Variants in NLGN1 observed in about 807,000 individuals in gnomAD.
NLGN1 encodes the protein neuroligin 1.
Under a neutral mutation model 65.5 loss-of-function variants are expected in NLGN1, and 12 were observed. The observed-to-expected ratio is 0.18, with a 90% CI of 0.12 to 0.30. The LOEUF (loss-of-function observed/expected upper bound fraction) is 0.30. Among genes scored for constraint, NLGN1 ranks in the 10% least tolerant of loss-of-function variants. The pLI is 1.00. For missense variants in NLGN1, 750 were observed against 1,007.1 expected, an observed-to-expected ratio of 0.74 and a Z score of 3.46; for synonymous variants, 350 against 359.5, an observed-to-expected ratio of 0.97 and a Z score of 0.30.
chr3:174,079,881 A>G (rs1023852764), intron 4 of NLGN1, among the ~76,000 whole-genome samples: 1 of 152,068 alleles, frequency 6.6e-6, no homozygotes, highest in African/African-American at 2.4e-5. Context: ...ACTGGGGCCT[A>G]TTGAAGGGTG....
At chr3:173,799,414 A>T (rs190309974) in intron 3 of NLGN1, among the ~76,000 whole-genome samples, 27 of 152,110 alleles carry the variant, frequency 1.8e-4, no homozygotes, top group African/African-American at 4.8e-4. Context: ...ATTGTTAAGT[A>T]TAATAAAACA....
intron 4 of NLGN1, among the ~76,000 whole-genome samples, chr3:174,027,191 A>G (rs1729018127): frequency 6.6e-6 from 1 of 152,150 alleles, no homozygotes; most frequent in Admixed American, 6.6e-5. Flanking sequence ...CACAGAAGGA[A>G]TTCCTAAAAA....
At chr3:173,699,498 A>G (rs1041917999) in intron 3 of NLGN1, among the ~76,000 whole-genome samples, 6 of 152,202 alleles carry the variant, frequency 3.9e-5, no homozygotes, top group Admixed American at 1.3e-4. Context: ...ACAGCAGTAA[A>G]AACTGTTCTG....
chr3:173,452,819 T>C (rs1319988567), intron 2 of NLGN1, among the ~76,000 whole-genome samples: 4 of 152,220 alleles, frequency 2.6e-5, no homozygotes, highest in African/African-American at 9.6e-5. Flanking sequence ...ATAAAGTGAA[T>C]AACACAGTAA....
intron 1 of NLGN1, among the ~76,000 whole-genome samples, chr3:173,415,943 A>AGAGAGAGCGAGC (rs141095727): frequency 3.5e-5 from 5 of 142,826 alleles, no homozygotes; most frequent in African/African-American, 1.4e-4. Context: ...AGAGAGAGAG[A>AGAGAGAGCGAGC]GCTTGGTATA....
intron 3 of NLGN1, among the ~76,000 whole-genome samples, chr3:173,793,823 CTT>C (rs1377860102): frequency 6.6e-6 from 1 of 152,004 alleles, no homozygotes; most frequent in East Asian, 1.9e-4. Context: ...GATTTTGCCT[CTT>C]TTTGATTCTT....
At chr3:174,287,922 A>G (rs1373174620), downstream of NLGN1, among the ~76,000 whole-genome samples, 1 of 151,568 alleles carries the variant, frequency 6.6e-6, no homozygotes. Flanking sequence ...GTGAACATCA[A>G]TCAAGCAATG....
intron 4 of NLGN1, among the ~76,000 whole-genome samples, chr3:173,908,131 G>T (rs941506017): frequency 9.2e-5 from 14 of 152,224 alleles, no homozygotes; most frequent in Non-Finnish European, 2.1e-4. Context: ...TAAAAATAAG[G>T]CACAAATAAG....
At chr3:173,703,287 T>C (rs1157581518) in intron 3 of NLGN1, among the ~76,000 whole-genome samples, 2 of 152,176 alleles carry the variant, frequency 1.3e-5, no homozygotes, top group African/African-American at 4.8e-5. Flanking sequence ...CAATTCAGTT[T>C]AATAAAGAAA....
At chr3:174,009,917 T>A (rs749621541) in intron 4 of NLGN1, among the ~76,000 whole-genome samples, 1 of 152,070 alleles carries the variant, frequency 6.6e-6, no homozygotes, top group Non-Finnish European at 1.5e-5. Flanking sequence ...CTGCCATGCA[T>A]AGGGGACAGG....
At chr3:173,985,880 G>A (rs942718870) in intron 4 of NLGN1, among the ~76,000 whole-genome samples, 1 of 152,008 alleles carries the variant, frequency 6.6e-6, no homozygotes, top group African/African-American at 2.4e-5. Context: ...AACCTGGAAG[G>A]TGGAGGTTGC....
At chr3:173,770,505 G>T (rs912747219) in intron 3 of NLGN1, among the ~76,000 whole-genome samples, 3 of 152,032 alleles carry the variant, frequency 2.0e-5, no homozygotes, top group Non-Finnish European at 4.4e-5. Context: ...CTGATATTTT[G>T]CTTCTCTCCT....
intron 4 of NLGN1, among the ~76,000 whole-genome samples, chr3:173,898,474 T>C (rs188425086): frequency 3.9e-5 from 6 of 152,302 alleles, no homozygotes; most frequent in Admixed American, 3.9e-4. Context: ...ATTCACACCA[T>C]AGAAATGAGT....
chr3:173,860,086 T>C (rs1728767869), intron 4 of NLGN1, among the ~76,000 whole-genome samples: 1 of 152,040 alleles, frequency 6.6e-6, no homozygotes, highest in African/African-American at 2.4e-5. Context: ...TTTTTATCTT[T>C]CTTATTCTTC....
At chr3:173,664,184 T>TA in intron 3 of NLGN1, among the ~76,000 whole-genome samples, 1 of 152,028 alleles carries the variant, frequency 6.6e-6, no homozygotes. Context: ...TTCTGAATAA[T>TA]AAAAATCATA....
intron 4 of NLGN1, among the ~76,000 whole-genome samples, chr3:173,880,790 T>G (rs1733078584): frequency 6.6e-6 from 1 of 152,156 alleles, no homozygotes; most frequent in African/African-American, 2.4e-5. Flanking sequence ...CCACTTCAAT[T>G]AACTCTTCTT....
chr3:173,489,616 GGT>G (rs1194176121), intron 2 of NLGN1, among the ~76,000 whole-genome samples: 1 of 151,994 alleles, frequency 6.6e-6, no homozygotes, highest in East Asian at 1.9e-4. Context: ...GGGATGGCTG[GGT>G]CAAATGGTAT....
chr3:173,400,936 A>G (rs1034305367), intron 1 of NLGN1, among the ~76,000 whole-genome samples: 5 of 152,362 alleles, frequency 3.3e-5, no homozygotes, highest in African/African-American at 9.6e-5. Context: ...ATAAAAAGTC[A>G]GGAGAAGAGA....
chr3:173,937,119 G>A (rs1745207017), intron 4 of NLGN1, among the ~76,000 whole-genome samples: 2 of 152,010 alleles, frequency 1.3e-5, no homozygotes, highest in African/African-American at 4.8e-5. Flanking sequence ...AGGTCCCAGA[G>A]CATTCAGTGA....
Sources: gnomAD v4.1 joint callset for allele counts (sites outside exome capture counted in the v4.1 genomes callset) on GRCh38, gnomAD v4.1.1 for gene constraint, MANE v1.5 for transcripts, NCBI Gene and HGNC (gene_info 2026-07-23, HGNC 2026-07-21) for gene names.